Variants in GRB10 observed in about 807,000 individuals in gnomAD.
The protein encoded by GRB10 is growth factor receptor bound protein 10.
A neutral mutation model predicts 80.9 loss-of-function variants in GRB10; 20 were observed. The ratio of observed to expected loss-of-function variants is 0.25; its 90% CI spans 0.17 to 0.36. GRB10 has a LOEUF of 0.36. GRB10 is among the 10% of genes least tolerant of loss of function. The pLI is 1.00. For synonymous variants in GRB10, 291 were observed against 291.5 expected (o/e 1.00, Z 0.02); for missense variants, 548 against 747.7 (o/e 0.73, Z 3.12).
intron 8 of GRB10, among the ~76,000 whole-genome samples, chr7:50,625,938 A>T (rs915497495): frequency 3.3e-5 from 5 of 152,274 alleles, no homozygotes; most frequent in African/African-American, 1.2e-4. Context: ...CTTTCAAAAA[A>T]GGTTCATGAG....
chr7:50,722,274 A>G (rs1355704484), intron 4 of GRB10, among the ~76,000 whole-genome samples: 1 of 152,106 alleles, frequency 6.6e-6, no homozygotes, highest in Non-Finnish European at 1.5e-5. Flanking sequence ...ACGTTCAAGG[A>G]CTTCCTGCAA....
chr7:50,693,018 G>C (rs781628596), intron 5 of GRB10, among the ~76,000 whole-genome samples: 1 of 152,136 alleles, frequency 6.6e-6, no homozygotes, highest in Non-Finnish European at 1.5e-5. Context: ...AGGCCTCAAA[G>C]TCATCATCAG....
intron 7 of GRB10, among the ~76,000 whole-genome samples, chr7:50,663,616 G>A (rs2059498308): frequency 6.6e-6 from 1 of 152,250 alleles, no homozygotes; most frequent in Non-Finnish European, 1.5e-5. Flanking sequence ...GCTGACTGGA[G>A]CCACGTGTCT....
intron 4 of GRB10, among the ~76,000 whole-genome samples, chr7:50,707,434 G>A (rs1055001850): frequency 1.3e-5 from 2 of 152,116 alleles, no homozygotes; most frequent in South Asian, 2.1e-4. Flanking sequence ...GCCCGCTCCC[G>A]GGCCGGCAAT....
chr7:50,767,308 T>TTCCAAAA (rs2076451502), intron 2 of GRB10, among the ~76,000 whole-genome samples: 1 of 152,196 alleles, frequency 6.6e-6, no homozygotes, highest in Non-Finnish European at 1.5e-5. Context: ...AAAGGACACC[T>TTCCAAAA]GGATCCTGAA....
At chr7:50,594,924 G>A (rs1014943126) in intron 18 of GRB10, among the ~76,000 whole-genome samples, 5 of 152,156 alleles carry the variant, frequency 3.3e-5, no homozygotes, top group South Asian at 2.1e-4. Flanking sequence ...GCCACTTAAC[G>A]CTTCTTGGAT....
At chr7:50,645,560 A>G (rs541332650) in intron 7 of GRB10, 188 of 976,182 alleles carry the variant, frequency 1.9e-4, no homozygotes, top group Non-Finnish European at 2.2e-4. Flanking sequence ...TCTAACACCA[A>G]GAAGAATAAG....
chr7:50,734,501 C>T lies in GRB10; in HGVS notation c.-46-2133G>A, dbSNP rs77452255. ...CACGCCTCCCTGCTGTGGTCATCTC[C>T]CAGTCTCCCAGCTCATCCGTGGAGA... On this transcript the variant is annotated intron_variant, in intron 3 of 18. Coordinates refer to ENST00000401949, the MANE Select transcript of GRB10 (RefSeq NM_001350814.2). Among the ~76,000 whole-genome samples the T allele has an allele frequency of 1.8e-4, 27 of 152,284 alleles. No homozygotes were observed. In the East Asian group the frequency reaches 5.0e-3, roughly 28 times the overall value.
At chr7:50,658,356 C>T (rs2058862643) in intron 7 of GRB10, among the ~76,000 whole-genome samples, 1 of 152,202 alleles carries the variant, frequency 6.6e-6, no homozygotes, top group South Asian at 2.1e-4. Context: ...GTGGTTCCCC[C>T]TTACCTGATG....
chr7:50,675,466 G>A lies in GRB10; in HGVS notation c.140-808C>T, dbSNP rs986257596. On this transcript the variant is annotated intron_variant, in intron 5 of 18. Coordinates refer to ENST00000401949, the MANE Select transcript of GRB10 (RefSeq NM_001350814.2). ...AGCTAAACACTAGACTAGATGCTGT[G>A]AAAGTATTTTTTAGATGTAATTAAC... 3.3e-5 allele frequency among the ~76,000 whole-genome samples: 5 copies of A among 152,264 alleles called. No homozygotes were observed. In the South Asian group the frequency reaches 6.2e-4, roughly 19 times the overall value.
At chr7:50,644,877 T>C (rs947910643) in intron 7 of GRB10, among the ~76,000 whole-genome samples, 1 of 152,160 alleles carries the variant, frequency 6.6e-6, no homozygotes, top group African/African-American at 2.4e-5. Context: ...GGGTATGGGA[T>C]GGGCGGACCA....
intron 8 of GRB10, among the ~76,000 whole-genome samples, chr7:50,623,124 C>G (rs1389154843): frequency 2.0e-5 from 3 of 152,288 alleles, no homozygotes; most frequent in African/African-American, 7.2e-5. Context: ...TCCAAAAAAC[C>G]TGCCCCATTC....
At position 50,664,104 on chromosome 7, in the gene GRB10, G is replaced by T. The variant is rs537216478; in HGVS notation, c.504+5618C>A. The stretch of plus-strand genomic sequence containing the variant: ...GGACACAGGGCCCCTCTTCCCTAGC[G>T]TGGACACCGACGCTCAGTCTTGCCT... On this transcript the variant is annotated intron_variant, in intron 7 of 18. Coordinates refer to ENST00000401949, the MANE Select transcript of GRB10 (RefSeq NM_001350814.2). Among the ~76,000 whole-genome samples the T allele has an allele frequency of 2.2e-3, 330 of 152,296 alleles. 1 individual carries two copies. The highest frequency in any genetic ancestry group is 6.8e-3 in the Middle Eastern group (2 of 294).
upstream of GRB10, among the ~76,000 whole-genome samples, chr7:50,784,359 G>A (rs2078599348): frequency 6.6e-6 from 1 of 152,210 alleles, no homozygotes; most frequent in Non-Finnish European, 1.5e-5. Flanking sequence ...CTTTTCTGCG[G>A]TCTGACACAG....
At chr7:50,604,260 C>G (rs964819012) in intron 16 of GRB10, 51 bp downstream of exon 16, 1 of 1,462,800 alleles carries the variant, frequency 6.8e-7, no homozygotes. Context: ...GAGGGGGGTG[C>G]TGTTTGATTT....
At chr7:50,732,423 C>A in intron 3 of GRB10, 55 bp from the exon 4 acceptor site, 1 of 1,020,788 alleles carries the variant, frequency 9.8e-7, no homozygotes, top group Non-Finnish European at 1.5e-6. Flanking sequence ...AAAAAATCCA[C>A]TACTTATGGC....
chr7:50,744,006 A>C (rs927156187), intron 3 of GRB10, among the ~76,000 whole-genome samples: 1 of 152,164 alleles, frequency 6.6e-6, no homozygotes. Context: ...AGCCCTGAAA[A>C]GAGGTGGGGT....
chr7:50,677,953 CAGT>C (rs1020720982), intron 5 of GRB10, among the ~76,000 whole-genome samples: 13 of 152,212 alleles, frequency 8.5e-5, no homozygotes, highest in Admixed American at 1.3e-4. Flanking sequence ...GAAATAAAAA[CAGT>C]GGTACAGTTC....
At chr7:50,667,627 A>G (rs1004024084) in intron 7 of GRB10, among the ~76,000 whole-genome samples, 1 of 152,122 alleles carries the variant, frequency 6.6e-6, no homozygotes, top group East Asian at 1.9e-4. Flanking sequence ...GTCAACACCA[A>G]GTACAGATAA....
Sources: gnomAD v4.1 joint callset for allele counts (sites outside exome capture counted in the v4.1 genomes callset) on GRCh38, gnomAD v4.1.1 for gene constraint, MANE v1.5 for transcripts, NCBI Gene and HGNC (gene_info 2026-07-23, HGNC 2026-07-21) for gene names.